The following GRIN2B variants were observed in gnomAD, a reference collection of about 807,000 sequenced individuals.
GRIN2B encodes glutamate receptor ionotropic, NMDA 2B.
GRIN2B carries 5 observed loss-of-function variants against 114.5 expected under a neutral mutation model. The observed-to-expected ratio is 0.04, with a 90% CI of 0.02 to 0.09. The LOEUF is 0.09. Ranked by LOEUF, GRIN2B falls within the 10% of genes least tolerant of loss-of-function variation. The pLI, the probability that GRIN2B is intolerant of heterozygous loss-of-function variation, is 1.00. For synonymous variants in GRIN2B, 787 were observed against 745.1 expected (o/e 1.06, Z -0.92); for missense variants, 1,108 against 1,943.5 (o/e 0.57, Z 8.08).
intron 2 of GRIN2B, among the ~76,000 whole-genome samples, chr12:13,978,955 G>A (rs1287426646): frequency 1.3e-5 from 2 of 152,216 alleles, no homozygotes; most frequent in African/African-American, 4.8e-5. Flanking sequence ...AAGGGAAAAT[G>A]TTAAAGTATT....
chr12:13,890,052 A>G (rs552798515), intron 2 of GRIN2B, among the ~76,000 whole-genome samples: 66 of 152,292 alleles, frequency 4.3e-4, no homozygotes, highest in African/African-American at 1.5e-3. Flanking sequence ...TACTGAGAGG[A>G]TGTGAGTCCC....
chr12:13,908,613 T>C (rs928889979), intron 2 of GRIN2B, among the ~76,000 whole-genome samples: 6 of 152,204 alleles, frequency 3.9e-5, no homozygotes, highest in African/African-American at 1.4e-4. Flanking sequence ...AGTTGAACTC[T>C]GTCTCCCTCT....
At chr12:13,600,870 C>T (rs754263762) in intron 10 of GRIN2B, among the ~76,000 whole-genome samples, 5 of 152,146 alleles carry the variant, frequency 3.3e-5, no homozygotes, top group Admixed American at 1.3e-4. Flanking sequence ...CAAAAGGGAG[C>T]ACACAATGAC....
intron 3 of GRIN2B, among the ~76,000 whole-genome samples, chr12:13,802,206 A>T (rs1280474411): frequency 6.6e-6 from 1 of 152,162 alleles, no homozygotes; most frequent in Non-Finnish European, 1.5e-5. Flanking sequence ...CCAGAATAAC[A>T]TACTATTCAC....
At chr12:13,914,202 T>G (rs535538093) in intron 2 of GRIN2B, among the ~76,000 whole-genome samples, 1 of 152,118 alleles carries the variant, frequency 6.6e-6, no homozygotes, top group Non-Finnish European at 1.5e-5. Flanking sequence ...TTTTCACTAC[T>G]GGTCCCCTGC....
intron 10 of GRIN2B, among the ~76,000 whole-genome samples, chr12:13,605,609 T>G (rs975519508): frequency 7.2e-6 from 1 of 139,166 alleles, no homozygotes; most frequent in Non-Finnish European, 1.5e-5. Flanking sequence ...TAAAACAAAC[T>G]GATGGGATCC....
chr12:13,593,224 C>T (rs1464408590), intron 10 of GRIN2B, among the ~76,000 whole-genome samples: 5 of 152,106 alleles, frequency 3.3e-5, no homozygotes, highest in Admixed American at 3.3e-4. Context: ...ACCAAAAGAG[C>T]CCACATAGCC....
chr12:13,805,953 T>C (rs1864592403), intron 3 of GRIN2B, among the ~76,000 whole-genome samples: 1 of 152,162 alleles, frequency 6.6e-6, no homozygotes, highest in Non-Finnish European at 1.5e-5. Flanking sequence ...TGGTTTTAGA[T>C]TTCATATATA....
At chr12:13,783,950 G>A (rs914264609) in intron 3 of GRIN2B, among the ~76,000 whole-genome samples, 1 of 152,020 alleles carries the variant, frequency 6.6e-6, no homozygotes, top group Non-Finnish European at 1.5e-5. Context: ...CCGGCCGGGC[G>A]CGGTGGCTCA....
At chr12:13,888,185 G>A (rs73057652) in intron 2 of GRIN2B, among the ~76,000 whole-genome samples, 8,982 of 152,122 alleles carry the variant, frequency 0.059, 356 homozygotes, top group Middle Eastern at 0.12. Context: ...ACGGGGACAC[G>A]CCCTGAGAAA....
chr12:13,868,771 A>G (rs1161288078), intron 2 of GRIN2B, among the ~76,000 whole-genome samples: 1 of 152,256 alleles, frequency 6.6e-6, no homozygotes, highest in Non-Finnish European at 1.5e-5. Context: ...TGACACCCAA[A>G]GAATAGCATC....
intron 2 of GRIN2B, among the ~76,000 whole-genome samples, chr12:13,957,831 C>A (rs1867618405): frequency 6.6e-6 from 1 of 152,160 alleles, no homozygotes; most frequent in Non-Finnish European, 1.5e-5. Context: ...TGTAACCTCC[C>A]AGAGGATGAA....
chr12:13,885,789 T>A (rs75062970), intron 2 of GRIN2B, among the ~76,000 whole-genome samples: 1 of 152,238 alleles, frequency 6.6e-6, no homozygotes, highest in Non-Finnish European at 1.5e-5. Context: ...AAAGTATTCA[T>A]GCACAGAAGG....
At chr12:13,929,816 G>C (rs1305225080) in intron 2 of GRIN2B, among the ~76,000 whole-genome samples, 2 of 152,144 alleles carry the variant, frequency 1.3e-5, no homozygotes, top group Non-Finnish European at 2.9e-5. Context: ...CAGTAACACC[G>C]GGTTACTGTG....
chr12:13,977,121 G>C (rs1863034662), intron 2 of GRIN2B, among the ~76,000 whole-genome samples: 1 of 152,184 alleles, frequency 6.6e-6, no homozygotes, highest in Admixed American at 6.5e-5. Flanking sequence ...AAAGCACTTG[G>C]TGTGCAAAGT....
chr12:13,581,378 G>A, intron 10 of GRIN2B, among the ~76,000 whole-genome samples: 1 of 152,190 alleles, frequency 6.6e-6, no homozygotes, highest in Non-Finnish European at 1.5e-5. Context: ...TTAGGGTGAA[G>A]GGATATGTAT....
chr12:13,917,469 T>C (rs1217711795), intron 2 of GRIN2B, among the ~76,000 whole-genome samples: 1 of 152,070 alleles, frequency 6.6e-6, no homozygotes, highest in African/African-American at 2.4e-5. Context: ...AAATGACAGT[T>C]AATGTACAGA....
In GRIN2B at chr12:13,925,599, A is replaced by G. The variant is rs550134047; in HGVS notation, c.-19+54329T>C. Among the ~76,000 whole-genome samples the G allele has an allele frequency of 1.2e-3, 188 of 152,258 alleles. 1 individual carries two copies. Among genetic ancestry groups the G allele is most frequent in the Admixed American group, 2.0e-3 (30 of 15,304 alleles). ...GCTTTATGATCAAGCTGAATTCACC[A>G]TCACCTATGGCATTAGCCTCACACT... On this transcript the variant is annotated intron_variant, in intron 2 of 13. Coordinates refer to ENST00000609686, the MANE Select transcript of GRIN2B (RefSeq NM_000834.5).
At chr12:13,705,128 T>A (rs1459312837) in intron 4 of GRIN2B, among the ~76,000 whole-genome samples, 1 of 152,124 alleles carries the variant, frequency 6.6e-6, no homozygotes, top group East Asian at 1.9e-4. Context: ...ATATCCACCA[T>A]CCCTAGCAGG....
Sources: allele counts gnomAD v4.1 joint callset (sites outside exome capture counted in the v4.1 genomes callset), GRCh38; gene constraint gnomAD v4.1.1; transcripts MANE v1.5; gene names NCBI Gene and HGNC (gene_info 2026-07-23, HGNC 2026-07-21).